The following GPC5 variants were observed in gnomAD, a reference collection of about 807,000 sequenced individuals.
The protein encoded by GPC5 is glypican-5.
GPC5 carries 47 observed loss-of-function variants against 53.9 expected under a neutral mutation model. The observed-to-expected ratio is 0.87, with a 90% CI of 0.69 to 1.11. The LOEUF (loss-of-function observed/expected upper bound fraction) is 1.11, where lower values mean the gene tolerates loss of function less well. Ranked by LOEUF, GPC5 falls within the 50% of genes most tolerant of loss-of-function variation. GPC5 has a pLI of 0.00. For synonymous variants in GPC5, 286 were observed against 263.3 expected (o/e 1.09, Z -0.84); for missense variants, 748 against 713.1 (o/e 1.05, Z -0.56).
intron 4 of GPC5, among the ~76,000 whole-genome samples, chr13:91,748,517 T>A (rs2037100208): frequency 6.6e-6 from 1 of 152,212 alleles, no homozygotes; most frequent in Non-Finnish European, 1.5e-5. Flanking sequence ...AAAACTAGTC[T>A]GGGGCTAATT....
intron 7 of GPC5, among the ~76,000 whole-genome samples, chr13:92,190,975 C>T (rs2042218967): frequency 6.6e-6 from 1 of 151,932 alleles, no homozygotes; most frequent in Non-Finnish European, 1.5e-5. Context: ...CTATAAAATA[C>T]CCACTTTAAA....
intron 6 of GPC5, among the ~76,000 whole-genome samples, chr13:92,110,226 C>A (rs952241505): frequency 2.6e-5 from 4 of 152,064 alleles, no homozygotes; most frequent in Non-Finnish European, 5.9e-5. Flanking sequence ...CAAATACATG[C>A]AAATAGAGAC....
At chr13:92,789,748 AG>A (rs1876395349) in intron 7 of GPC5, among the ~76,000 whole-genome samples, 1 of 152,156 alleles carries the variant, frequency 6.6e-6, no homozygotes, top group Non-Finnish European at 1.5e-5. Flanking sequence ...AGGGTTCTCT[AG>A]AGGCACAGAA....
rs565667769 is a variant in GPC5 at position 92,518,228 on chromosome 13, C to T, written c.1562-348054C>T. Among the ~76,000 whole-genome samples, 89 of 152,226 alleles carry T rather than the reference C, an allele frequency of 5.8e-4. 1 individual carries two copies. Among genetic ancestry groups the T allele is most frequent in the African/African-American group, 1.9e-3 (81 of 41,544 alleles). On this transcript the variant is annotated intron_variant, in intron 7 of 7. Transcript: ENST00000377067. ...TCAGGATATTACCCAGGAGAACTTCCCCAATCTAGCAAGGCAGGCCAACAT... is the reference window on the plus strand; with the variant it reads ...TCAGGATATTACCCAGGAGAACTTCTCCAATCTAGCAAGGCAGGCCAACAT...
At chr13:92,234,558 A>G (rs970932800) in intron 7 of GPC5, among the ~76,000 whole-genome samples, 2 of 152,012 alleles carry the variant, frequency 1.3e-5, no homozygotes, top group African/African-American at 4.8e-5. Context: ...AATAAATGAA[A>G]GACAAAAGGG....
intron 7 of GPC5, among the ~76,000 whole-genome samples, chr13:92,685,268 T>C (rs1887228195): frequency 6.6e-6 from 1 of 151,888 alleles, no homozygotes; most frequent in African/African-American, 2.4e-5. Flanking sequence ...GATTTTTGTA[T>C]TTTTTTAGTA....
intron 6 of GPC5, among the ~76,000 whole-genome samples, chr13:92,059,248 C>T (rs1378691693): frequency 6.6e-6 from 1 of 151,400 alleles, no homozygotes; most frequent in East Asian, 1.9e-4. Context: ...ATGCAGCACA[C>T]ATCTGGAGGG....
chr13:91,501,932 G>A (rs186211174), intron 2 of GPC5, among the ~76,000 whole-genome samples: 43 of 152,222 alleles, frequency 2.8e-4, no homozygotes, highest in African/African-American at 9.9e-4. Context: ...TGTAATGATC[G>A]CCATTTTAAC....
chr13:91,430,232 T>A (rs1316585405), intron 1 of GPC5, among the ~76,000 whole-genome samples: 2 of 152,110 alleles, frequency 1.3e-5, no homozygotes, highest in Non-Finnish European at 2.9e-5. Context: ...CACAAATATT[T>A]TTAAGGAGAT....
At chr13:91,998,470 A>C (rs77828089) in intron 6 of GPC5, among the ~76,000 whole-genome samples, 5,664 of 152,288 alleles carry the variant, frequency 0.037, 149 homozygotes, top group Middle Eastern at 0.061. Flanking sequence ...GCAATTCATA[A>C]TGTAAGGCTT....
intron 7 of GPC5, among the ~76,000 whole-genome samples, chr13:92,285,509 A>G (rs1387132386): frequency 6.6e-6 from 1 of 151,998 alleles, no homozygotes; most frequent in Non-Finnish European, 1.5e-5. Context: ...TGCTACAGTA[A>G]CCAAAACAGC....
intron 2 of GPC5, among the ~76,000 whole-genome samples, chr13:91,488,689 C>A (rs955078258): frequency 3.9e-5 from 6 of 152,162 alleles, no homozygotes; most frequent in African/African-American, 1.4e-4. Context: ...TGTCTGTCAT[C>A]TCAGGACCCT....
chr13:92,004,130 T>C (rs1367452714), intron 6 of GPC5, among the ~76,000 whole-genome samples: 1 of 152,000 alleles, frequency 6.6e-6, no homozygotes, highest in Non-Finnish European at 1.5e-5. Flanking sequence ...TCCCAAAGTG[T>C]TTATTCTTCT....
intron 2 of GPC5, among the ~76,000 whole-genome samples, chr13:91,604,416 G>T (rs1429502154): frequency 2.3e-4 from 35 of 151,872 alleles, no homozygotes; most frequent in Admixed American, 5.2e-4. Context: ...TAAACATATG[G>T]GTGCATGTGT....
At chr13:92,381,915 TATAATC>T (rs1335381363) in intron 7 of GPC5, among the ~76,000 whole-genome samples, 7 of 137,698 alleles carry the variant, frequency 5.1e-5, no homozygotes, top group Admixed American at 3.0e-4. Flanking sequence ...ATATGATATA[TATAATC>T]ATATATATGA....
chr13:91,399,029 G>A lies in GPC5; in HGVS notation c.-18G>A. ...GAGTGGGGTCCACTGGCGGGTAAAG[G>A]GGACCAGGACGGCGAGGATGGACGC... On this transcript the variant is annotated 5_prime_UTR_variant, in exon 1 of 8. Coordinates refer to ENST00000377067, the MANE Select transcript of GPC5 (RefSeq NM_004466.6). 2 of 1,538,100 alleles carry A rather than the reference G, an allele frequency of 1.3e-6. No individual in the cohort carries two copies. Among genetic ancestry groups the A allele is most frequent in the Non-Finnish European group, 1.8e-6 (2 of 1,140,036 alleles).
chr13:92,278,905 G>C (rs975616419), intron 7 of GPC5, among the ~76,000 whole-genome samples: 2 of 151,982 alleles, frequency 1.3e-5, no homozygotes, highest in African/African-American at 4.8e-5. Flanking sequence ...CCTTCTGCTA[G>C]TACTACATTT....
chr13:92,248,046 A>ATG (rs376289511), intron 7 of GPC5, among the ~76,000 whole-genome samples: 3 of 152,144 alleles, frequency 2.0e-5, no homozygotes, highest in Admixed American at 1.3e-4. Context: ...GACGTTGAAG[A>ATG]TGTAGATAAT....
At chr13:92,708,715 T>C (rs932771033) in intron 7 of GPC5, among the ~76,000 whole-genome samples, 1 of 151,914 alleles carries the variant, frequency 6.6e-6, no homozygotes, top group Middle Eastern at 3.2e-3. Context: ...ATACGTAAGG[T>C]TGGGGAGAAG....
Sources: gnomAD v4.1 joint callset for allele counts (sites outside exome capture counted in the v4.1 genomes callset) on GRCh38, gnomAD v4.1.1 for gene constraint, MANE v1.5 for transcripts, NCBI Gene and HGNC (gene_info 2026-07-23, HGNC 2026-07-21) for gene names.